BDP1: variants seen among roughly 807,000 people sequenced by gnomAD.
BDP1 encodes transcription factor TFIIIB component B'' homolog.
A neutral mutation model predicts 266.6 loss-of-function variants in BDP1; 169 were observed. The observed-to-expected ratio is 0.63, with a 90% confidence interval of 0.56 to 0.72. The LOEUF is 0.72. Among genes scored for constraint, BDP1 ranks in the 30% least tolerant of loss-of-function variants. The pLI, the probability that BDP1 is intolerant of heterozygous loss-of-function variation, is 0.00. For synonymous variants in BDP1, 1,090 were observed against 1,022.4 expected (o/e 1.07, Z -1.26); for missense variants, 3,015 against 3,053.8 (o/e 0.99, Z 0.30).
rs796270062 is a variant in BDP1, at chr5:71,558,738, A to C, written c.7241-1244A>C. ...TTACTCGGCAGGCTGAGGCAGGAGA[A>C]TCACTTGAACCTGGGAGGCAGAGGT... is the stretch of plus-strand genomic sequence containing the variant. On this transcript the variant is annotated intron_variant, in intron 36 of 38. Coordinates refer to ENST00000358731, the MANE Select transcript of BDP1 (RefSeq NM_018429.3). 9.9e-5 allele frequency among the ~76,000 whole-genome samples: 15 copies of C among 152,146 alleles called. 1 individual carries two copies. Among genetic ancestry groups the C allele is most frequent in the African/African-American group, 3.6e-4 (15 of 41,514 alleles).
intron 34 of BDP1, among the ~76,000 whole-genome samples, chr5:71,549,983 GT>G (rs1742630168): frequency 6.6e-6 from 1 of 152,110 alleles, no homozygotes; most frequent in Admixed American, 6.6e-5. Context: ...AATAAATACA[GT>G]TTTTTTTCTT....
rs1743514924 is a variant in BDP1, at chr5:71,559,997, G to C, written c.7256G>C (p.Gly2419Ala). The change falls in exon 37 of 39, where the codon GGA becomes GCA. Residue 2419 changes from glycine to alanine, a missense_variant. Physicochemically the swap from Gly to Ala is moderately conservative, Grantham distance 60. This residue lies in a region of BDP1 where 629 missense variants were observed against 632.5 expected (regional missense o/e 0.99). Coordinates refer to ENST00000358731, the MANE Select transcript of BDP1 (RefSeq NM_018429.3). ...VFEETGESHK[G>A]QDIFLTSGST... is the part of the protein sequence containing the mutation. ...TTTTTTGAAGGGGAGTCTCACAAGG[G>C]ACAAGATATTTTTCTTACCTCAGGA... 6.2e-7 allele frequency: 1 copy of C among 1,613,646 alleles called. No individual in the cohort carries two copies. Among genetic ancestry groups the C allele is most frequent in the East Asian group, 2.2e-5 (1 of 44,844 alleles).
chr5:71,472,447 G>T (rs1762312047), intron 7 of BDP1, among the ~76,000 whole-genome samples: 1 of 152,212 alleles, frequency 6.6e-6, no homozygotes, highest in African/African-American at 2.4e-5. Flanking sequence ...TGCAATGGGA[G>T]TGAGACTCCA....
chr5:71,489,245 ATAT>A (rs1358268972), intron 9 of BDP1, among the ~76,000 whole-genome samples, 156 bp from the exon 10 acceptor site: 1 of 152,120 alleles, frequency 6.6e-6, no homozygotes, highest in East Asian at 1.9e-4. Flanking sequence ...GGATTTTTAT[ATAT>A]TATTTAGTCA....
intron 13 of BDP1, among the ~76,000 whole-genome samples, chr5:71,499,015 A>G (rs1391291058): frequency 1.3e-5 from 2 of 152,304 alleles, no homozygotes; most frequent in South Asian, 2.1e-4. Flanking sequence ...TGAGGGCACC[A>G]TGCCTGGCCA....
chr5:71,477,229 C>T (rs535755570), intron 7 of BDP1, among the ~76,000 whole-genome samples: 14 of 152,098 alleles, frequency 9.2e-5, no homozygotes, highest in South Asian at 6.2e-4. Flanking sequence ...GCAACCATAG[C>T]TCACTGCCGC....
downstream of BDP1, among the ~76,000 whole-genome samples, chr5:71,570,628 C>T (rs1362531194): frequency 2.0e-5 from 3 of 152,262 alleles, no homozygotes; most frequent in African/African-American, 7.2e-5. Context: ...CAATCCTTTG[C>T]TATGGCTTAT....
At chr5:71,523,633 C>A (rs891665048) in intron 24 of BDP1, among the ~76,000 whole-genome samples, 19 of 152,138 alleles carry the variant, frequency 1.2e-4, no homozygotes, top group Non-Finnish European at 1.8e-4. Flanking sequence ...TCTTTTATCC[C>A]TTTTTCTTCT....
intron 5 of BDP1, among the ~76,000 whole-genome samples, chr5:71,466,744 T>G (rs1761932754): frequency 6.6e-6 from 1 of 151,958 alleles, no homozygotes. Flanking sequence ...TTAGTTGTCT[T>G]AAGGGTTTTT....
rs1743510054 is a variant in BDP1, at chr5:71,559,962, A to AT, written c.7241-17dup. 1 of 1,610,672 alleles carries AT rather than the reference A, an allele frequency of 6.2e-7. No homozygotes were observed. The highest frequency in any genetic ancestry group is 1.3e-5 in the African/African-American group (1 of 74,790). The stretch of plus-strand genomic sequence containing the variant: ...ATTAACTTCAGTATCCTTGCTTTCC[A>AT]TTTGCTCTTTTTTTTGAAGGGGAGT... On this transcript the variant is annotated intron_variant, in intron 36 of 38. Coordinates refer to ENST00000358731, the MANE Select transcript of BDP1 (RefSeq NM_018429.3).
At chr5:71,506,759 T>TAC (rs1764598301) in intron 16 of BDP1, among the ~76,000 whole-genome samples, 1 of 6,670 alleles carries the variant, frequency 1.5e-4, no homozygotes, top group Non-Finnish European at 5.1e-4. Context: ...TTTGGAGGTT[T>TAC]ATATATATAT....
At chr5:71,504,198 G>A (rs1175330833) in intron 15 of BDP1, among the ~76,000 whole-genome samples, 4 of 151,416 alleles carry the variant, frequency 2.6e-5, no homozygotes, top group Non-Finnish European at 4.4e-5. Context: ...GCATGAACCT[G>A]GGAGGCAGAG....
chr5:71,491,752 C>T (rs1451884890), intron 11 of BDP1, among the ~76,000 whole-genome samples: 2 of 152,166 alleles, frequency 1.3e-5, no homozygotes, highest in Non-Finnish European at 2.9e-5. Context: ...GGGTCGGTCT[C>T]TGTCACGCAG....
rs1765547694 is a variant in BDP1, at chr5:71,522,477, A to G, written c.5180A>G (p.Gln1727Arg). Residue 1727 changes from glutamine to arginine, a missense_variant, in exon 23 of 39, where the codon CAG (glutamine) becomes CGG (arginine). Around this residue, in one of 3 missense-constraint regions of BDP1, gnomAD observed 2,383 missense variants for 2,404.9 expected, o/e 0.99. Transcript: ENST00000358731. ...HLLQKGASNT[Q>R]LLLKEKAELL... ...CTGCAGAAAGGAGCTTCCAACACCC[A>G]GCTCCTTCTAAAAGTAAGTTTGGGC... is the stretch of plus-strand genomic sequence containing the variant. 1.9e-6 allele frequency: 3 copies of G among 1,585,918 alleles called. No individual in the cohort carries two copies. The highest frequency in any genetic ancestry group is 2.3e-5 in the South Asian group (2 of 85,264).
At chr5:71,555,886 G>A (rs1743184662) in intron 35 of BDP1, among the ~76,000 whole-genome samples, 2 of 152,058 alleles carry the variant, frequency 1.3e-5, no homozygotes, top group Non-Finnish European at 2.9e-5. Flanking sequence ...AACTTGTTTA[G>A]CTCTTTAAAA....
chr5:71,480,655 T>G (rs893425324), intron 7 of BDP1, among the ~76,000 whole-genome samples: 5 of 151,310 alleles, frequency 3.3e-5, no homozygotes, highest in Middle Eastern at 3.4e-3. Flanking sequence ...CAACCTCTGC[T>G]TCCTGGGTTC....
intron 36 of BDP1, among the ~76,000 whole-genome samples, chr5:71,558,136 G>A (rs1165300715): frequency 2.0e-5 from 3 of 152,118 alleles, no homozygotes; most frequent in Non-Finnish European, 4.4e-5. Context: ...CTTTACCATG[G>A]CAATGGCACT....
intron 30 of BDP1, among the ~76,000 whole-genome samples, chr5:71,543,001 A>G (rs1476926071): frequency 6.6e-6 from 1 of 152,168 alleles, no homozygotes; most frequent in African/African-American, 2.4e-5. Flanking sequence ...AGAAAGTCAG[A>G]CTGGGGCTGG....
Position 71,483,916 on chromosome 5 carries a change from T to C in BDP1, c.1069+20T>C. 1 of 1,567,490 alleles carries C rather than the reference T, an allele frequency of 6.4e-7. No homozygotes were observed. Among genetic ancestry groups the C allele is most frequent in the Non-Finnish European group, 8.8e-7 (1 of 1,142,752 alleles). ...CATTCCGTAAGTATTAAGACCTCTT[T>C]TACAAAGTATTACTTGAAGAGCCTA... On this transcript the variant is annotated intron_variant, in intron 8 of 38. Transcript: ENST00000358731.
Sources: gnomAD v4.1 joint callset for allele counts (sites outside exome capture counted in the v4.1 genomes callset) on GRCh38, gnomAD v4.1.1 for gene constraint, gnomAD v4.1.1 regional missense constraint, MANE v1.5 for transcripts, NCBI Gene and HGNC (gene_info 2026-07-23, HGNC 2026-07-21) for gene names.